SPRED1: variants seen among roughly 807,000 people sequenced by gnomAD.
SPRED1 encodes the protein sprouty-related, EVH1 domain-containing protein 1.
Under a neutral mutation model 52.3 loss-of-function variants are expected in SPRED1, and 18 were observed. The ratio of observed to expected loss-of-function variants is 0.34; its 90% CI spans 0.24 to 0.51. The LOEUF is 0.51. Ranked by LOEUF, SPRED1 falls within the 20% of genes least tolerant of loss-of-function variation. SPRED1 has a pLI of 0.97. For missense variants in SPRED1, 485 were observed against 551.0 expected (o/e 0.88, Z 1.20); for synonymous variants, 155 against 179.7 (o/e 0.86, Z 1.10).
chr15:38,305,309 G>A (rs1895230082), intron 2 of SPRED1, among the ~76,000 whole-genome samples: 1 of 150,106 alleles, frequency 6.7e-6, no homozygotes, highest in Non-Finnish European at 1.5e-5. Context: ...TCCAGCTTGG[G>A]TAACGAGAGT....
intron 4 of SPRED1, among the ~76,000 whole-genome samples, chr15:38,336,074 A>G (rs565535190): frequency 6.6e-6 from 1 of 152,098 alleles, no homozygotes; most frequent in South Asian, 2.1e-4. Flanking sequence ...CTGTAAATAA[A>G]ATTTTATGTA....
chr15:38,317,799 TTC>T (rs1485126991), intron 2 of SPRED1, among the ~76,000 whole-genome samples: 61 of 59,464 alleles, frequency 1.0e-3, no homozygotes, highest in African/African-American at 2.4e-3. Context: ...TTTTTCTGCT[TTC>T]TTTTTTTTTT....
At chr15:38,261,343 T>G (rs982155052) in intron 1 of SPRED1, among the ~76,000 whole-genome samples, 2 of 152,230 alleles carry the variant, frequency 1.3e-5, no homozygotes, top group Non-Finnish European at 1.5e-5. Flanking sequence ...TGAATTAATA[T>G]ATCATTTCTG....
intron 5 of SPRED1, among the ~76,000 whole-genome samples, chr15:38,342,155 G>GT (rs1444514362): frequency 6.8e-6 from 1 of 147,036 alleles, no homozygotes; most frequent in Non-Finnish European, 1.5e-5. Flanking sequence ...CATTTGCTGT[G>GT]TTTTTTTTCC....
At position 38,271,958 on chromosome 15, in the gene SPRED1, C is replaced by T. The variant is rs186119420; in HGVS notation, c.32+18741C>T. 4.6e-5 allele frequency among the ~76,000 whole-genome samples: 7 copies of T among 152,212 alleles called. No homozygotes were observed. The East Asian group carries it at 1.4e-3, about 29-fold the overall frequency. ...GTGTCTATTGTTCCCATCTTTATGT[C>T]CAGGAGTACCCAATATTTGGCTCCC... On this transcript the variant is annotated intron_variant, in intron 1 of 6. Coordinates refer to ENST00000299084, the MANE Select transcript of SPRED1 (RefSeq NM_152594.3).
chr15:38,304,193 A>G (rs1421896422), intron 2 of SPRED1, among the ~76,000 whole-genome samples: 1 of 152,160 alleles, frequency 6.6e-6, no homozygotes, highest in Non-Finnish European at 1.5e-5. Flanking sequence ...ATCATGGGGG[A>G]ATCTTGAAAG....
In SPRED1 at chr15:38,351,492, C is replaced by T. The variant is rs1888487548; in HGVS notation, c.1163C>T (p.Ser388Phe). 2 of 1,614,144 alleles carry T rather than the reference C, an allele frequency of 1.2e-6. No homozygotes were observed. The highest frequency in any genetic ancestry group is 1.7e-6 in the Non-Finnish European group (2 of 1,180,016). ...ATGTCAGACTCAGAGGGAGATTTTT[C>T]TGATCCCTGTTCGTGTGACACTAGC... ...HCMSDSEGDF[S>F]DPCSCDTSDD... The change falls in exon 7 of 7, where the codon TCT (serine) becomes TTT (phenylalanine). Residue 388 changes from serine to phenylalanine, a missense_variant. By Grantham distance (155) the Ser-to-Phe change is radical (BLOSUM62 -2). This residue lies in a region of SPRED1 where 205 missense variants were observed against 245.2 expected (regional missense o/e 0.84). Transcript: ENST00000299084.
At chr15:38,340,777 G>A (rs907598178) in intron 5 of SPRED1, among the ~76,000 whole-genome samples, 4 of 151,896 alleles carry the variant, frequency 2.6e-5, no homozygotes, top group East Asian at 1.9e-4. Flanking sequence ...CTATCCACCC[G>A]CCTCAGCTTC....
intron 4 of SPRED1, among the ~76,000 whole-genome samples, chr15:38,336,222 G>A (rs1177332668): frequency 2.6e-5 from 4 of 151,486 alleles, no homozygotes; most frequent in Non-Finnish European, 5.9e-5. Context: ...CCATGTTCAA[G>A]TTGTTTCTTT....
chr15:38,351,099 G>T lies in SPRED1; in HGVS notation c.770G>T (p.Arg257Leu), dbSNP rs750832911. 1 of 1,613,778 alleles carries T rather than the reference G, an allele frequency of 6.2e-7. No homozygotes were observed. The highest frequency in any genetic ancestry group is 8.5e-7 in the Non-Finnish European group (1 of 1,179,958). ...AACCCTCGAGATATCTTAATACGTC[G>T]CTATGCAGACTACAGACATCCTGAC... The part of the protein sequence containing the change: ...RINPRDILIR[R>L]YADYRHPDMW... Residue 257 changes from arginine (R) to leucine (L), a missense_variant, in exon 7 of 7, where the codon CGC becomes CTC. Physicochemically the swap from Arg to Leu is moderately radical, Grantham distance 102. Coordinates refer to ENST00000299084, the MANE Select transcript of SPRED1 (RefSeq NM_152594.3).
chr15:38,294,462 A>T (rs532969824), intron 1 of SPRED1, among the ~76,000 whole-genome samples: 2 of 152,094 alleles, frequency 1.3e-5, no homozygotes, highest in Non-Finnish European at 2.9e-5. Context: ...CCTTTGTAGT[A>T]GTTTCCTGTT....
chr15:38,329,769 TTTTC>T (rs1175382033), intron 4 of SPRED1, among the ~76,000 whole-genome samples: 1 of 152,194 alleles, frequency 6.6e-6, no homozygotes, highest in East Asian at 1.9e-4. Flanking sequence ...CTGCTTAGGT[TTTTC>T]TTTCTTCTGG....
At chr15:38,305,042 T>C (rs934435200) in intron 2 of SPRED1, among the ~76,000 whole-genome samples, 3 of 152,114 alleles carry the variant, frequency 2.0e-5, no homozygotes, top group African/African-American at 7.2e-5. Context: ...AGTACTCTTT[T>C]CTTAGGCCAA....
chr15:38,258,851 A>G (rs1370892398), intron 1 of SPRED1, among the ~76,000 whole-genome samples: 2 of 152,196 alleles, frequency 1.3e-5, no homozygotes, highest in Admixed American at 1.3e-4. Flanking sequence ...TCTTCTGTGC[A>G]GTATGGTATA....
intron 1 of SPRED1, among the ~76,000 whole-genome samples, chr15:38,256,872 C>T (rs1474016883): frequency 6.6e-6 from 1 of 151,994 alleles, no homozygotes; most frequent in Non-Finnish European, 1.5e-5. Context: ...AATGGAAGCA[C>T]TGGAAAGCTG....
chr15:38,351,817 C>T lies in SPRED1; in HGVS notation c.*153C>T. ...CAGAACTCATCAGTTCTTGGCGTTT[C>T]ACGCCATGCCTAACTTTTCCCTTGA... On this transcript the variant is annotated 3_prime_UTR_variant, in exon 7 of 7. Coordinates refer to ENST00000299084, the MANE Select transcript of SPRED1 (RefSeq NM_152594.3). 2.2e-6 allele frequency: 2 copies of T among 929,836 alleles called. No individual in the cohort carries two copies. Among genetic ancestry groups the T allele is most frequent in the Non-Finnish European group, 3.2e-6 (2 of 617,576 alleles). The allele number at this position is 929,836 out of a possible 1,614,324, so 57.6% of individuals were successfully genotyped here. A position where few individuals can be genotyped will look rare whatever the true frequency, so the allele number is the denominator to read the frequency against.
chr15:38,344,100 T>C (rs1278803647), intron 5 of SPRED1, among the ~76,000 whole-genome samples: 1 of 152,156 alleles, frequency 6.6e-6, no homozygotes. Flanking sequence ...CTTATAAACT[T>C]CCAGGCATCC....
At chr15:38,347,724 G>A (rs1032183485) in intron 5 of SPRED1, among the ~76,000 whole-genome samples, 6 of 151,498 alleles carry the variant, frequency 4.0e-5, no homozygotes, top group African/African-American at 1.2e-4. Flanking sequence ...TTATTTCTTT[G>A]TACCATTTTT....
At chr15:38,278,617 T>C (rs1000378056) in intron 1 of SPRED1, among the ~76,000 whole-genome samples, 1 of 152,216 alleles carries the variant, frequency 6.6e-6, no homozygotes, top group African/African-American at 2.4e-5. Flanking sequence ...CTATGGATGC[T>C]CAAGTCCATT....
Sources: allele counts gnomAD v4.1 joint callset (sites outside exome capture counted in the v4.1 genomes callset), GRCh38; gene constraint gnomAD v4.1.1; regional missense constraint gnomAD v4.1.1; transcripts MANE v1.5; gene names NCBI Gene and HGNC (gene_info 2026-07-23, HGNC 2026-07-21).